MAGI2: variants seen among roughly 807,000 people sequenced by gnomAD.
MAGI2 encodes membrane-associated guanylate kinase, WW and PDZ domain-containing protein 2.
MAGI2 carries 35 observed loss-of-function variants against 133.3 expected under a neutral mutation model. The observed-to-expected ratio is 0.26, with a 90% CI of 0.20 to 0.35. The LOEUF (loss-of-function observed/expected upper bound fraction) is 0.35. Among genes scored for constraint, MAGI2 ranks in the 10% least tolerant of loss-of-function variants. The probability of loss-of-function intolerance (pLI) is 1.00; values close to 1 mark genes in which losing one functional copy is unlikely to be tolerated. For synonymous variants in MAGI2, 729 were observed against 710.6 expected, an observed-to-expected ratio of 1.03 and a Z score of -0.41; for missense variants, 1,636 against 1,863.4, an observed-to-expected ratio of 0.88 and a Z score of 2.25.
intron 10 of MAGI2, among the ~76,000 whole-genome samples, chr7:78,248,622 C>T (rs62463888): frequency 0.16 from 23,600 of 152,008 alleles, 2,360 homozygotes; most frequent in Middle Eastern, 0.26. Context: ...AGTGGCTATA[C>T]TTAGATAAAA....
rs11318579 is a variant in MAGI2 at position 78,607,498 on chromosome 7, T to TAA, written c.538+19620_538+19621dup. ...CATCTCATTAGAAAGAAGTCAAACT[T>TAA]AAAAAAAAAAAAAAAAGAGAGTCTC... On this transcript the variant is annotated intron_variant, in intron 3 of 21. Transcript: ENST00000354212. Among the ~76,000 whole-genome samples the TAA allele has an allele frequency of 9.6e-3, 1,343 of 139,568 alleles. 19 individuals carry two copies. The highest frequency in any genetic ancestry group is 0.032 in the African/African-American group (1,216 of 37,472). The allele number at this position is 139,568 out of a possible 152,430, so 91.6% of individuals were successfully genotyped here.
chr7:78,088,988 C>T (rs958460675), intron 20 of MAGI2, among the ~76,000 whole-genome samples: 1 of 152,178 alleles, frequency 6.6e-6, no homozygotes, highest in African/African-American at 2.4e-5. Flanking sequence ...AGGTGCTAAG[C>T]TGCTGGCTTT....
intron 1 of MAGI2, among the ~76,000 whole-genome samples, chr7:79,342,760 T>C (rs1429749737): frequency 6.6e-6 from 1 of 152,104 alleles, no homozygotes; most frequent in African/African-American, 2.4e-5. Flanking sequence ...TATTTGTTTG[T>C]TTATTTATTT....
chr7:78,511,553 T>C (rs201669254), intron 4 of MAGI2, among the ~76,000 whole-genome samples: 8 of 79,166 alleles, frequency 1.0e-4, no homozygotes, highest in African/African-American at 4.3e-4. Flanking sequence ...ATATATAAAT[T>C]TTTTTTTTTT....
intron 4 of MAGI2, among the ~76,000 whole-genome samples, chr7:78,517,533 A>G (rs1410835840): frequency 6.6e-6 from 1 of 152,188 alleles, no homozygotes; most frequent in African/African-American, 2.4e-5. Flanking sequence ...TAAAATAAGT[A>G]TAGAATTATT....
At chr7:78,342,342 C>T (rs4374924) in intron 9 of MAGI2, among the ~76,000 whole-genome samples, 68,466 of 151,926 alleles carry the variant, frequency 0.45, 15,785 homozygotes, top group Non-Finnish European at 0.48. Flanking sequence ...CACGAACAAA[C>T]GCTTTTACAC....
intron 2 of MAGI2, among the ~76,000 whole-genome samples, chr7:78,972,093 C>G (rs1230183039): frequency 6.6e-6 from 1 of 151,788 alleles, no homozygotes; most frequent in Non-Finnish European, 1.5e-5. Context: ...AATATTTTAG[C>G]ATTAACATGA....
chr7:78,943,105 G>T (rs1273513547), intron 2 of MAGI2, among the ~76,000 whole-genome samples: 1 of 152,078 alleles, frequency 6.6e-6, no homozygotes, highest in Non-Finnish European at 1.5e-5. Context: ...TAAAATAAGG[G>T]AAGGTCTGCA....
intron 2 of MAGI2, chr7:78,940,865 G>C (rs1442460399): frequency 1.3e-5 from 2 of 152,190 alleles, no homozygotes; most frequent in Non-Finnish European, 2.9e-5. Context: ...CCAGAAGTCA[G>C]CTGTGACTTT....
chr7:78,660,922 G>A (rs1325172125), intron 2 of MAGI2, among the ~76,000 whole-genome samples: 2 of 152,078 alleles, frequency 1.3e-5, no homozygotes, highest in African/African-American at 4.8e-5. Context: ...GCACTGATAA[G>A]GCATCAGTGA....
intron 2 of MAGI2, among the ~76,000 whole-genome samples, chr7:78,965,717 A>T (rs1803253320): frequency 6.6e-6 from 1 of 152,102 alleles, no homozygotes; most frequent in African/African-American, 2.4e-5. Flanking sequence ...CCTAGGTATC[A>T]AGTACTGCTA....
chr7:79,341,512 C>G (rs1840902168), intron 1 of MAGI2, among the ~76,000 whole-genome samples: 1 of 152,082 alleles, frequency 6.6e-6, no homozygotes, highest in Non-Finnish European at 1.5e-5. Flanking sequence ...TATCTGCACT[C>G]AGAATCTGGT....
At chr7:78,612,582 C>T (rs1359696772) in intron 3 of MAGI2, among the ~76,000 whole-genome samples, 1 of 152,170 alleles carries the variant, frequency 6.6e-6, no homozygotes, top group Non-Finnish European at 1.5e-5. Flanking sequence ...CCCTACCAGC[C>T]TCCTAATGAC....
At chr7:79,244,685 A>G (rs774429240) in intron 1 of MAGI2, among the ~76,000 whole-genome samples, 1 of 152,186 alleles carries the variant, frequency 6.6e-6, no homozygotes, top group Non-Finnish European at 1.5e-5. Flanking sequence ...CAAGGCCACA[A>G]GACTGCAATT....
chr7:78,392,621 C>T (rs750464482), intron 6 of MAGI2, among the ~76,000 whole-genome samples: 6 of 152,074 alleles, frequency 3.9e-5, no homozygotes, highest in South Asian at 2.1e-4. Flanking sequence ...GACTTATCCA[C>T]GCACTTGTAT....
chr7:79,349,396 T>C (rs1279070668), intron 1 of MAGI2, among the ~76,000 whole-genome samples: 1 of 152,008 alleles, frequency 6.6e-6, no homozygotes, highest in Non-Finnish European at 1.5e-5. Flanking sequence ...TTCTACTTCT[T>C]AGGATCTCAC....
intron 1 of MAGI2, among the ~76,000 whole-genome samples, chr7:79,034,434 A>C (rs1319793204): frequency 6.6e-6 from 1 of 152,190 alleles, no homozygotes; most frequent in East Asian, 1.9e-4. Context: ...TAAAATGCCA[A>C]ATATAGGCTT....
At chr7:78,968,505 A>T (rs868543492) in intron 2 of MAGI2, among the ~76,000 whole-genome samples, 1 of 149,838 alleles carries the variant, frequency 6.7e-6, no homozygotes, top group Non-Finnish European at 1.5e-5. Flanking sequence ...ATTATTTTTG[A>T]TGTTACTATA....
chr7:78,149,661 A>G (rs1035561052), intron 16 of MAGI2, among the ~76,000 whole-genome samples: 1 of 152,260 alleles, frequency 6.6e-6, no homozygotes, highest in African/African-American at 2.4e-5. Context: ...GCTCTGTGCC[A>G]GAAAACTATA....
Sources: gnomAD v4.1 joint callset for allele counts (sites outside exome capture counted in the v4.1 genomes callset) on GRCh38, gnomAD v4.1.1 for gene constraint, MANE v1.5 for transcripts, NCBI Gene and HGNC (gene_info 2026-07-23, HGNC 2026-07-21) for gene names.